PRKAB2: variants seen among roughly 807,000 people sequenced by gnomAD.
PRKAB2 encodes the protein protein kinase AMP-activated non-catalytic subunit beta 2, also known as 5'-AMP-activated protein kinase subunit beta-2.
PRKAB2 carries 18 observed loss-of-function variants against 29.8 expected under a neutral mutation model. That is an observed-to-expected ratio of 0.60 (90% confidence interval 0.42 to 0.89). The LOEUF is 0.89. PRKAB2 is among the 40% of genes least tolerant of loss of function. The pLI, the probability that PRKAB2 is intolerant of heterozygous loss-of-function variation, is 0.00. For missense variants in PRKAB2, 270 were observed against 344.3 expected (o/e 0.78, Z 1.71); for synonymous variants, 136 against 125.9 (o/e 1.08, Z -0.54).
chr1:147,167,002 C>T lies in PRKAB2; in HGVS notation c.324-63G>A, dbSNP rs982275443. On this transcript the variant is annotated intron_variant, in intron 3 of 7. Transcript: ENST00000254101. ...CTTTTAGAAGACTGAATCTAAAAAA[C>T]AAGTGGCAATCATAGTATCATATGA... 4 of 1,350,224 alleles carry T rather than the reference C, an allele frequency of 3.0e-6. No individual in the cohort carries two copies. In the African/African-American group the frequency reaches 5.8e-5, roughly 19 times the overall value. The allele number at this position is 1,350,224 out of a possible 1,614,324, so 83.6% of individuals were successfully genotyped here. A position where few individuals can be genotyped will look rare whatever the true frequency, so the allele number is the denominator to read the frequency against.
intron 5 of PRKAB2, 32 bp downstream of exon 5, chr1:147,166,466 A>G (rs369585583): frequency 6.2e-7 from 1 of 1,601,642 alleles, no homozygotes; most frequent in Non-Finnish European, 8.5e-7. Flanking sequence ...CAAGAAAGAC[A>G]CAGCAAGAGA....
chr1:147,166,761 A>G (rs1654271889), intron 4 of PRKAB2, 85 bp downstream of exon 4: 1 of 1,542,816 alleles, frequency 6.5e-7, no homozygotes, highest in Non-Finnish European at 8.9e-7. Flanking sequence ...AGTGTAGGGG[A>G]GCAGCTGCCC....
Position 147,157,833 on chromosome 1 carries a change from T to C in PRKAB2, c.*1732A>G, listed in dbSNP as rs896459825. ...GCTGCAGAAGGTGGCCTTGGATGGC[T>C]AAAGTAGTATTTACTCTTAGCAATT... On this transcript the variant is annotated 3_prime_UTR_variant, in exon 8 of 8. Transcript: ENST00000254101. The C allele has an allele frequency of 5.9e-5, 9 of 152,124 alleles. No homozygotes were observed. The highest frequency in any genetic ancestry group is 2.2e-4 in the African/African-American group (9 of 41,412). The allele number at this position is 152,124 out of a possible 1,614,324, so 9.4% of individuals were successfully genotyped here.
intron 1 of PRKAB2, 61 bp from the exon 2 acceptor site, chr1:147,172,228 C>A (rs1199750263): frequency 1.5e-5 from 21 of 1,439,788 alleles, no homozygotes; most frequent in Non-Finnish European, 1.8e-5. Context: ...GGGCGCCCCC[C>A]GGCCCCGCCC....
chr1:147,160,336 C>T (rs1160001138), intron 7 of PRKAB2, among the ~76,000 whole-genome samples: 1 of 152,142 alleles, frequency 6.6e-6, no homozygotes, highest in African/African-American at 2.4e-5. Context: ...CCACAATAAT[C>T]AAACACCTTC....
chr1:147,165,210 TAG>T (rs1654181607), intron 5 of PRKAB2, among the ~76,000 whole-genome samples: 1 of 152,172 alleles, frequency 6.6e-6, no homozygotes, highest in Non-Finnish European at 1.5e-5. Flanking sequence ...TATTTTTTAG[TAG>T]AGATGAGGTT....
chr1:147,163,184 A>G (rs1654057274), intron 5 of PRKAB2, among the ~76,000 whole-genome samples: 3 of 152,236 alleles, frequency 2.0e-5, no homozygotes. Context: ...ACAGACAGAC[A>G]GTAATAAGTG....
intron 7 of PRKAB2, among the ~76,000 whole-genome samples, chr1:147,161,182 C>T (rs1277925809): frequency 6.6e-6 from 1 of 152,086 alleles, no homozygotes; most frequent in Admixed American, 6.6e-5. Flanking sequence ...TATTTCCAAC[C>T]CAGACTCTAA....
At chr1:147,163,958 A>G (rs1654105895) in intron 5 of PRKAB2, among the ~76,000 whole-genome samples, 1 of 152,058 alleles carries the variant, frequency 6.6e-6, no homozygotes, top group South Asian at 2.1e-4. Flanking sequence ...TTTTTGAGAG[A>G]GGGTCTTGCT....
rs1344057339 is a variant in PRKAB2 at position 147,155,543 on chromosome 1, G to A, written c.*4022C>T. 5 of 152,572 alleles carry A rather than the reference G, an allele frequency of 3.3e-5. No individual in the cohort carries two copies. The highest frequency in any genetic ancestry group is 1.2e-4 in the African/African-American group (5 of 41,430). The allele number at this position is 152,572 out of a possible 1,614,324, so 9.5% of individuals were successfully genotyped here. A position where few individuals can be genotyped will look rare whatever the true frequency, so the allele number is the denominator to read the frequency against. ...TAAAACCACAAGCTGGGTTAGGTAA[G>A]TGTTTTGTACAGGGGAACAGAAAAG... is the stretch of plus-strand genomic sequence containing the variant. On this transcript the variant is annotated 3_prime_UTR_variant, in exon 8 of 8. Transcript: ENST00000254101.
chr1:147,161,183 C>G (rs1400891357), intron 7 of PRKAB2, among the ~76,000 whole-genome samples: 1 of 152,090 alleles, frequency 6.6e-6, no homozygotes, highest in Non-Finnish European at 1.5e-5. Context: ...ATTTCCAACC[C>G]AGACTCTAAA....
At chr1:147,167,458 C>T (rs1428753720) in intron 3 of PRKAB2, among the ~76,000 whole-genome samples, 1 of 152,186 alleles carries the variant, frequency 6.6e-6, no homozygotes, top group Non-Finnish European at 1.5e-5. Context: ...GTCAGAGCAA[C>T]AAGACTCAGA....
chr1:147,167,760 T>C lies in PRKAB2; in HGVS notation c.323+7A>G, dbSNP rs377742471. ...GGACCCTTAGATTCAACCAAGACAC[T>C]TGTCACCTCTTAATCAGTGGAATCT... On this transcript the variant is annotated splice_region_variant and intron_variant, in intron 3 of 7. Transcript: ENST00000254101. 2.4e-5 allele frequency: 38 copies of C among 1,611,506 alleles called. No individual in the cohort carries two copies. Among genetic ancestry groups the C allele is most frequent in the African/African-American group, 5.3e-5 (4 of 74,806 alleles).
At chr1:147,168,113 A>G (rs868968314) in intron 2 of PRKAB2, among the ~76,000 whole-genome samples, 180 bp from the exon 3 acceptor site, 3 of 152,164 alleles carry the variant, frequency 2.0e-5, no homozygotes, top group African/African-American at 7.2e-5. Flanking sequence ...AGGACCAAAA[A>G]TGGTCAAATG....
intron 7 of PRKAB2, 82 bp from the exon 8 acceptor site, chr1:147,159,724 C>T: frequency 1.6e-6 from 2 of 1,241,140 alleles, no homozygotes; most frequent in South Asian, 1.3e-5. Context: ...CCTTCACAGT[C>T]ACTCACTTTT....
intron 2 of PRKAB2, among the ~76,000 whole-genome samples, chr1:147,170,587 G>T (rs1161335877): frequency 4.7e-5 from 7 of 149,790 alleles, no homozygotes; most frequent in South Asian, 4.4e-4. Context: ...TGGTTTTTTT[G>T]TTTTTTTGTT....
intron 2 of PRKAB2, among the ~76,000 whole-genome samples, chr1:147,170,973 C>T (rs1654514589): frequency 6.6e-6 from 1 of 152,234 alleles, no homozygotes; most frequent in East Asian, 1.9e-4. Context: ...TCTATTCACT[C>T]TCTAAAGCCC....
At chr1:147,161,680 G>A in intron 7 of PRKAB2, 32 bp downstream of exon 7, 1 of 1,557,502 alleles carries the variant, frequency 6.4e-7, no homozygotes, top group Non-Finnish European at 8.9e-7. Context: ...TCATTCCAGG[G>A]AGCTCTGTGA....
rs1222655922 is a variant in PRKAB2 at position 147,172,154 on chromosome 1, TC to T, written c.-11del. The stretch of plus-strand genomic sequence containing the variant: ...TGGTGGTGTTTCCCATGGCTGCAGC[TC>T]GTCGGGGACCACCTACCGCGGGGAA... On this transcript the variant is annotated 5_prime_UTR_variant, in exon 2 of 8. Transcript: ENST00000254101. 7.1e-6 allele frequency: 11 copies of T among 1,542,886 alleles called. No individual in the cohort carries two copies. In the East Asian group the frequency reaches 2.0e-4, roughly 28 times the overall value.
Sources: allele counts gnomAD v4.1 joint callset (sites outside exome capture counted in the v4.1 genomes callset), GRCh38; gene constraint gnomAD v4.1.1; transcripts MANE v1.5; gene names NCBI Gene and HGNC (gene_info 2026-07-23, HGNC 2026-07-21).